PXDNL: variants seen among roughly 807,000 people sequenced by gnomAD.
PXDNL encodes probable oxidoreductase PXDNL.
A neutral mutation model predicts 150.8 loss-of-function variants in PXDNL; 145 were observed. The observed-to-expected ratio is 0.96, with a 90% confidence interval of 0.84 to 1.10. PXDNL has a LOEUF of 1.10. Among genes scored for constraint, PXDNL ranks in the 50% least tolerant of loss-of-function variants. The pLI, the probability that PXDNL is intolerant of heterozygous loss-of-function variation, is 0.00. For synonymous variants in PXDNL, 757 were observed against 725.7 expected (o/e 1.04, Z -0.69); for missense variants, 2,087 against 1,873.9 (o/e 1.11, Z -2.10).
intron 6 of PXDNL, among the ~76,000 whole-genome samples, chr8:51,478,066 T>G (rs1000228454): frequency 1.3e-5 from 2 of 152,112 alleles, no homozygotes; most frequent in Non-Finnish European, 2.9e-5. Flanking sequence ...ATAATCTGAG[T>G]AATCTTTATA....
At chr8:51,643,578 A>C (rs1308490255) in intron 2 of PXDNL, among the ~76,000 whole-genome samples, 1 of 152,210 alleles carries the variant, frequency 6.6e-6, no homozygotes, top group Non-Finnish European at 1.5e-5. Flanking sequence ...TAGACCTAAA[A>C]CCATAAAAAC....
At chr8:51,643,491 T>G (rs1161984347) in intron 2 of PXDNL, among the ~76,000 whole-genome samples, 1 of 152,222 alleles carries the variant, frequency 6.6e-6, no homozygotes, top group Non-Finnish European at 1.5e-5. Flanking sequence ...GCCTGCCATA[T>G]GTAGAAAGCT....
At chr8:51,402,841 T>G (rs532721960) in intron 17 of PXDNL, among the ~76,000 whole-genome samples, 31 of 151,794 alleles carry the variant, frequency 2.0e-4, no homozygotes, top group African/African-American at 7.2e-4. Context: ...GGCGGGTGGA[T>G]CACGAGGTCA....
intron 1 of PXDNL, among the ~76,000 whole-genome samples, chr8:51,724,885 C>T (rs1377927181): frequency 6.6e-6 from 1 of 152,226 alleles, no homozygotes; most frequent in East Asian, 1.9e-4. Context: ...CAGCCCAGCT[C>T]TTCCTCCAGG....
rs186431403 is a variant in PXDNL, at chr8:51,780,211, T to C, written c.164+28970A>G. ...CAGGCAATACAGTGAAACTCTGTCTTAAAAAAAAAGAAGTGCAGAGCCTCA... is the reference window on the plus strand; with the variant it reads ...CAGGCAATACAGTGAAACTCTGTCTCAAAAAAAAAGAAGTGCAGAGCCTCA... On this transcript the variant is annotated intron_variant, in intron 1 of 22. Coordinates refer to ENST00000356297, the MANE Select transcript of PXDNL (RefSeq NM_144651.5). 4.1e-4 allele frequency among the ~76,000 whole-genome samples: 62 copies of C among 150,800 alleles called. 1 individual carries two copies. In the Middle Eastern group the frequency reaches 0.01, roughly 25 times the overall value.
chr8:51,346,341 C>G (rs1271558110), intron 19 of PXDNL, among the ~76,000 whole-genome samples: 3 of 152,190 alleles, frequency 2.0e-5, no homozygotes, highest in African/African-American at 7.2e-5. Flanking sequence ...GGCAACTCCT[C>G]AAAGTGTCTC....
intron 3 of PXDNL, among the ~76,000 whole-genome samples, chr8:51,567,688 C>T (rs1373388243): frequency 1.3e-5 from 2 of 151,546 alleles, no homozygotes; most frequent in African/African-American, 4.8e-5. Flanking sequence ...AGTGCTGGTA[C>T]CTTGTAACAG....
At chr8:51,394,258 T>A (rs1484351703) in intron 17 of PXDNL, among the ~76,000 whole-genome samples, 2 of 152,238 alleles carry the variant, frequency 1.3e-5, no homozygotes, top group African/African-American at 2.4e-5. Context: ...AAAACACTCC[T>A]TTTTGTGCAA....
At chr8:51,717,763 G>A (rs962485538) in intron 1 of PXDNL, among the ~76,000 whole-genome samples, 9 of 152,204 alleles carry the variant, frequency 5.9e-5, no homozygotes, top group Non-Finnish European at 1.5e-5. Flanking sequence ...TCTGGCCTCT[G>A]CAGCAGCAGG....
intron 5 of PXDNL, among the ~76,000 whole-genome samples, chr8:51,496,749 A>G (rs561722130): frequency 2.8e-4 from 42 of 152,172 alleles, no homozygotes; most frequent in Non-Finnish European, 2.9e-5. Context: ...AGGACCCCCA[A>G]GGAGAACTAC....
Position 51,637,177 on chromosome 8 carries a change from C to T in PXDNL, c.236+17512G>A, listed in dbSNP as rs576133059. Among the ~76,000 whole-genome samples the T allele has an allele frequency of 2.6e-5, 4 of 152,208 alleles. No individual in the cohort carries two copies. The East Asian group carries it at 7.7e-4, about 29-fold the overall frequency. On this transcript the variant is annotated intron_variant, in intron 2 of 22. Coordinates refer to ENST00000356297, the MANE Select transcript of PXDNL (RefSeq NM_144651.5). ...TAACAAACAGAAAGGACATCCACAC[C>T]AAAACCCCATCTGTATGTTACCATC...
intron 1 of PXDNL, among the ~76,000 whole-genome samples, chr8:51,787,476 T>A (rs1410204887): frequency 1.3e-5 from 2 of 152,188 alleles, no homozygotes; most frequent in Non-Finnish European, 2.9e-5. Flanking sequence ...CCCTCGGGGA[T>A]GACTTAGAGG....
chr8:51,630,664 A>G (rs995741140), intron 2 of PXDNL, among the ~76,000 whole-genome samples: 3 of 152,180 alleles, frequency 2.0e-5, no homozygotes, highest in African/African-American at 2.4e-5. Flanking sequence ...CGCACAGCCA[A>G]CAAGCATATG....
intron 1 of PXDNL, among the ~76,000 whole-genome samples, chr8:51,759,142 C>A (rs1161348084): frequency 6.6e-6 from 1 of 152,096 alleles, no homozygotes; most frequent in African/African-American, 2.4e-5. Context: ...TTTGTTTGCC[C>A]CCGCATTGGT....
chr8:51,385,629 G>T (rs1405382969), intron 17 of PXDNL, among the ~76,000 whole-genome samples: 2 of 152,290 alleles, frequency 1.3e-5, no homozygotes, highest in South Asian at 2.1e-4. Flanking sequence ...CATAAACTAC[G>T]TTTTTATACC....
chr8:51,665,617 A>C (rs761831245), intron 1 of PXDNL, among the ~76,000 whole-genome samples: 6 of 152,242 alleles, frequency 3.9e-5, no homozygotes, highest in Non-Finnish European at 5.9e-5. Context: ...AATAATAGCA[A>C]TAATAATATT....
chr8:51,591,941 T>A (rs932862302), intron 3 of PXDNL, among the ~76,000 whole-genome samples: 4 of 152,178 alleles, frequency 2.6e-5, no homozygotes, highest in Admixed American at 6.5e-5. Context: ...AACATTTTTT[T>A]AAAAAGAAAG....
intron 5 of PXDNL, among the ~76,000 whole-genome samples, chr8:51,493,384 C>T (rs1169313701): frequency 6.6e-6 from 1 of 152,170 alleles, no homozygotes; most frequent in South Asian, 2.1e-4. Flanking sequence ...GCCTCTCCTC[C>T]TCCAAAGGAA....
chr8:51,512,834 G>A (rs1585539464), intron 4 of PXDNL, among the ~76,000 whole-genome samples: 1 of 152,208 alleles, frequency 6.6e-6, no homozygotes, highest in South Asian at 2.1e-4. Flanking sequence ...ACATAAAAAA[G>A]AGTCTGAAAT....
Sources: allele counts gnomAD v4.1 joint callset (sites outside exome capture counted in the v4.1 genomes callset), GRCh38; gene constraint gnomAD v4.1.1; transcripts MANE v1.5; gene names NCBI Gene and HGNC (gene_info 2026-07-23, HGNC 2026-07-21).